PTPN13: variants seen among roughly 807,000 people sequenced by gnomAD.
PTPN13 encodes tyrosine-protein phosphatase non-receptor type 13.
A neutral mutation model predicts 284.0 loss-of-function variants in PTPN13; 191 were observed. The observed-to-expected ratio is 0.67, with a 90% CI of 0.60 to 0.76. PTPN13 has a LOEUF of 0.76. Among genes scored for constraint, PTPN13 ranks in the 30% least tolerant of loss-of-function variants. PTPN13 has a pLI of 0.00. For missense variants in PTPN13, 2,797 were observed against 2,939.9 expected (o/e 0.95, Z 1.12); for synonymous variants, 986 against 1,022.3 (o/e 0.96, Z 0.68).
At chr4:86,610,284 G>A (rs1003496019) in intron 1 of PTPN13, among the ~76,000 whole-genome samples, 1 of 151,684 alleles carries the variant, frequency 6.6e-6, no homozygotes, top group Non-Finnish European at 1.5e-5. Context: ...TTAAAAATGT[G>A]CCCCAAAGAC....
At chr4:86,780,775 G>A (rs1565562950) in intron 36 of PTPN13, among the ~76,000 whole-genome samples, 2 of 152,030 alleles carry the variant, frequency 1.3e-5, no homozygotes, top group East Asian at 3.9e-4. Flanking sequence ...AAGCTACACA[G>A]CAATAAAAAG....
chr4:86,698,982 C>T (rs753485498), intron 6 of PTPN13, among the ~76,000 whole-genome samples: 2 of 152,030 alleles, frequency 1.3e-5, no homozygotes, highest in African/African-American at 2.4e-5. Context: ...AGAGAATTAA[C>T]GAAAGAAGTA....
chr4:86,698,035 T>A (rs1477373862), intron 6 of PTPN13, among the ~76,000 whole-genome samples: 1 of 152,180 alleles, frequency 6.6e-6, no homozygotes, highest in Non-Finnish European at 1.5e-5. Flanking sequence ...CCATTTAACT[T>A]TTAGCAAGCT....
At position 86,722,321 on chromosome 4, in the gene PTPN13, T is replaced by G. The variant is rs764472574; in HGVS notation, c.1495T>G (p.Ser499Ala). The G allele has an allele frequency of 6.2e-7, 1 of 1,613,720 alleles. No homozygotes were observed. Among genetic ancestry groups the G allele is most frequent in the South Asian group, 1.1e-5 (1 of 91,052 alleles). The change falls in exon 10 of 48, where the codon TCT becomes GCT. Residue 499 changes from serine to alanine, a missense_variant. Physicochemically the swap from Ser to Ala is moderately conservative, Grantham distance 99. Transcript: ENST00000411767. ...ACAAGCCAAAATGGCCCTTAGACAGTCTCGGTTGAGCCTATATCCAGGAGA... is the reference window on the plus strand; with the variant it reads ...ACAAGCCAAAATGGCCCTTAGACAGGCTCGGTTGAGCCTATATCCAGGAGA... ...QLQAKMALRQ[S>A]RLSLYPGDTI...
At chr4:86,738,994 A>G (rs1735846501) in intron 15 of PTPN13, among the ~76,000 whole-genome samples, 2 of 152,172 alleles carry the variant, frequency 1.3e-5, no homozygotes, top group African/African-American at 4.8e-5. Context: ...TTAACTCTTG[A>G]TGAGCAAGTT....
intron 42 of PTPN13, among the ~76,000 whole-genome samples, chr4:86,801,065 G>A (rs1041130896): frequency 6.6e-6 from 1 of 152,124 alleles, no homozygotes; most frequent in Non-Finnish European, 1.5e-5. Context: ...CTACACTTGT[G>A]CAGTCTATAG....
At chr4:86,719,089 A>G (rs1045220100) in intron 9 of PTPN13, among the ~76,000 whole-genome samples, 4 of 152,168 alleles carry the variant, frequency 2.6e-5, no homozygotes, top group African/African-American at 4.8e-5. Flanking sequence ...TATTAAGCCC[A>G]GTACACAACA....
chr4:86,750,603 A>C lies in PTPN13; in HGVS notation c.2784A>C (p.Gln928His). The C allele has an allele frequency of 6.2e-7, 1 of 1,613,976 alleles. No individual in the cohort carries two copies. The highest frequency in any genetic ancestry group is 8.5e-7 in the Non-Finnish European group (1 of 1,179,888). ...NKLAVRPLSV[Q>H]AEILKRLSCS... is the part of the protein sequence containing the mutation. ...TTGCTGTTCGACCTTTATCAGTTCA[A>C]GCTGAGATTCTGAAGAGGCTATCCT... Residue 928 changes from glutamine (Q) to histidine (H), a missense_variant, in exon 18 of 48, where the codon CAA becomes CAC. Transcript: ENST00000411767.
rs781140060 is a variant in PTPN13 at position 86,769,992 on chromosome 4, CT to C, written c.4704+10del. On this transcript the variant is annotated intron_variant, in intron 29 of 47. Transcript: ENST00000411767. ...AAGGACTATCTCAGCAGGTGAGCCC[CT>C]AGCATGTGGAGTATAGCATTTTTAA... The C allele has an allele frequency of 6.2e-7, 1 of 1,613,640 alleles. No individual in the cohort carries two copies. Among genetic ancestry groups the C allele is most frequent in the Non-Finnish European group, 8.5e-7 (1 of 1,179,686 alleles).
At chr4:86,612,703 G>A (rs1266709602) in intron 1 of PTPN13, among the ~76,000 whole-genome samples, 6 of 152,052 alleles carry the variant, frequency 3.9e-5, no homozygotes, top group Non-Finnish European at 8.8e-5. Context: ...CAAAGAAAAA[G>A]GCAAGCGAGC....
intron 35 of PTPN13, among the ~76,000 whole-genome samples, chr4:86,780,035 G>A (rs990395916): frequency 2.0e-5 from 3 of 152,058 alleles, no homozygotes; most frequent in Admixed American, 2.0e-4. Flanking sequence ...GGGGAAATAG[G>A]GTGATATGTT....
At chr4:86,733,677 T>A (rs1408884839) in intron 12 of PTPN13, among the ~76,000 whole-genome samples, 1 of 152,172 alleles carries the variant, frequency 6.6e-6, no homozygotes, top group Non-Finnish European at 1.5e-5. Context: ...ATTGTCTACA[T>A]GAAGCTGATT....
rs186956599 is a variant in PTPN13, at chr4:86,790,929, G to A, written c.6345+4993G>A. ...GTCTGCCACTCCCAACGAAATCGAC[G>A]CAGAAGACAGGTGATTTCTGCATTT... On this transcript the variant is annotated intron_variant, in intron 40 of 47. Transcript: ENST00000411767. 2.1e-4 allele frequency among the ~76,000 whole-genome samples: 32 copies of A among 152,240 alleles called. No homozygotes were observed. The East Asian group carries it at 2.7e-3, about 13-fold the overall frequency.
chr4:86,799,460 G>A (rs1743741788), intron 42 of PTPN13, among the ~76,000 whole-genome samples: 1 of 151,746 alleles, frequency 6.6e-6, no homozygotes, highest in Non-Finnish European at 1.5e-5. Flanking sequence ...GCCTCGAGTA[G>A]CTGGGATTAC....
rs545732541 is a variant in PTPN13 at position 86,775,881 on chromosome 4, T to C, written c.5891+229T>C. Among the ~76,000 whole-genome samples, 17 of 152,328 alleles carry C rather than the reference T, an allele frequency of 1.1e-4. No homozygotes were observed. The South Asian group carries it at 3.5e-3, about 32-fold the overall frequency. On this transcript the variant is annotated intron_variant, in intron 35 of 47. Transcript: ENST00000411767. ...TTAGGATGTTTTCACTTGCAAGTAA[T>C]AGAAAATAAAACTCAACTTTTGTTT... is the stretch of plus-strand genomic sequence containing the variant.
intron 3 of PTPN13, among the ~76,000 whole-genome samples, chr4:86,680,966 G>A (rs746269054): frequency 6.6e-6 from 1 of 152,264 alleles, no homozygotes; most frequent in East Asian, 1.9e-4. Flanking sequence ...GATGAATAAG[G>A]AGTGGACCTT....
intron 6 of PTPN13, among the ~76,000 whole-genome samples, chr4:86,697,403 C>T (rs1164537434): frequency 2.0e-5 from 3 of 152,020 alleles, no homozygotes; most frequent in Non-Finnish European, 1.5e-5. Context: ...TTTAATTGTT[C>T]AGCTCAAATG....
At chr4:86,656,833 C>A (rs1348408570) in intron 2 of PTPN13, among the ~76,000 whole-genome samples, 1 of 152,212 alleles carries the variant, frequency 6.6e-6, no homozygotes, top group Non-Finnish European at 1.5e-5. Context: ...GTGGAGTCTA[C>A]AGAGGCAGGC....
At chr4:86,740,021 CT>C (rs748124340) in intron 15 of PTPN13, among the ~76,000 whole-genome samples, 1 of 152,216 alleles carries the variant, frequency 6.6e-6, no homozygotes, top group Admixed American at 6.5e-5. Context: ...AGCTCTGCCC[CT>C]GTGTCTTTGT....
Sources: allele counts gnomAD v4.1 joint callset (sites outside exome capture counted in the v4.1 genomes callset), GRCh38; gene constraint gnomAD v4.1.1; transcripts MANE v1.5; gene names NCBI Gene and HGNC (gene_info 2026-07-23, HGNC 2026-07-21).